Variants in IFI6 observed in about 807,000 individuals in gnomAD.
IFI6 encodes the protein interferon alpha-inducible protein 6.
In IFI6, 10 loss-of-function variants were observed where a neutral mutation model predicts 12.7. The ratio of observed to expected loss-of-function variants is 0.79; its 90% CI spans 0.49 to 1.33. The LOEUF (loss-of-function observed/expected upper bound fraction) is 1.33. Among genes scored for constraint, IFI6 ranks in the 40% most tolerant of loss-of-function variants. IFI6 has a pLI of 0.00. For synonymous variants in IFI6, 89 were observed against 86.2 expected, an observed-to-expected ratio of 1.03 and a Z score of -0.18; for missense variants, 154 against 180.4, an observed-to-expected ratio of 0.85 and a Z score of 0.84.
In IFI6 at chr1:27,668,986, T is replaced by C. The variant is rs568720343; in HGVS notation, c.70+259A>G. 9.4e-4 allele frequency among the ~76,000 whole-genome samples: 93 copies of C among 98,502 alleles called. 1 individual carries two copies. In the South Asian group the frequency reaches 0.031, roughly 33 times the overall value. The allele number at this position is 98,502 out of a possible 152,430, so 64.6% of individuals were successfully genotyped here. A position where few individuals can be genotyped will look rare whatever the true frequency, so the allele number is the denominator to read the frequency against. ...ACCCTTACCTGCATCCTTACCCACA[T>C]CCTTACCTGCATCCTTACCCGCATC... On this transcript the variant is annotated intron_variant, in intron 2 of 4. Transcript: ENST00000361157.
At position 27,671,549 on chromosome 1, in the gene IFI6, TA is replaced by T. The variant is rs2090404650; in HGVS notation, c.-33+573del. On this transcript the variant is annotated intron_variant, in intron 1 of 4. Coordinates refer to ENST00000361157, the MANE Select transcript of IFI6 (RefSeq NM_002038.4). ...ACAGGCGCCCACCACCAAGCCCGGC[TA>T]ATTTTTTTTGTATTTTTAGTAGAGA... 2.0e-5 allele frequency among the ~76,000 whole-genome samples: 3 copies of T among 151,832 alleles called. No homozygotes were observed. In the South Asian group the frequency reaches 6.2e-4, roughly 32 times the overall value.
rs1369508285 is a variant in IFI6, at chr1:27,666,354, G to GGAA, written c.*24_*26dup. The GGAA allele has an allele frequency of 7.5e-7, 1 of 1,326,396 alleles. No homozygotes were observed. Among genetic ancestry groups the GGAA allele is most frequent in the Admixed American group, 1.8e-5 (1 of 54,844 alleles). The allele number at this position is 1,326,396 out of a possible 1,614,324, so 82.2% of individuals were successfully genotyped here. On this transcript the variant is annotated 3_prime_UTR_variant, in exon 5 of 5. Transcript: ENST00000361157. ...CTAACTGGAAGAGTTAGGCCAAGAA[G>GGAA]GAAGAAGAGGTTCTGGGAGCTGCTG...
At position 27,669,243 on chromosome 1, in the gene IFI6, A is replaced by C. The variant is rs1571433889; in HGVS notation, c.70+2T>G. ...TACCTGCATCCTTACCCGCATTCTCACCTGCCTCCACCCCACTGCAAGTGA... is the reference window on the plus strand; with the variant it reads ...TACCTGCATCCTTACCCGCATTCTCCCCTGCCTCCACCCCACTGCAAGTGA... On this transcript the variant is annotated splice_donor_variant, in intron 2 of 4. Transcript: ENST00000361157. LOFTEE classifies it high-confidence loss of function. The C allele has an allele frequency of 6.4e-7, 1 of 1,551,704 alleles. No individual in the cohort carries two copies. Among genetic ancestry groups the C allele is most frequent in the Non-Finnish European group, 8.7e-7 (1 of 1,147,010 alleles).
rs558649729 is a variant in IFI6 at position 27,669,507 on chromosome 1, C to T, written c.-32-161G>A. The T allele has an allele frequency of 6.1e-4, 352 of 575,758 alleles. 1 individual carries two copies. The highest frequency in any genetic ancestry group is 8.5e-4 in the South Asian group (44 of 51,816). 35.7% of individuals were successfully genotyped at this position (575,758 alleles called of 1,614,324 possible). ...GAGCCTCGGGAATCCGTTTCCTCTC[C>T]GCATCAGTGGCAGAGATGTCCCTGC... On this transcript the variant is annotated intron_variant, in intron 1 of 4. Transcript: ENST00000361157.
At chr1:27,669,367 G>T (rs1249200952) in intron 1 of IFI6, 21 bp from the exon 2 acceptor site, 2 of 1,390,646 alleles carry the variant, frequency 1.4e-6, no homozygotes, top group Admixed American at 4.1e-5. Flanking sequence ...GCGAGAGGGA[G>T]ATGGTCCCCG....
In IFI6 at chr1:27,666,315, C is replaced by CA; in HGVS notation, c.*65dup. 2.5e-5 allele frequency: 11 copies of CA among 432,170 alleles called. No individual in the cohort carries two copies. Among genetic ancestry groups the CA allele is most frequent in the South Asian group, 7.0e-5 (2 of 28,632 alleles). The allele number at this position is 432,170 out of a possible 1,614,324, so 26.8% of individuals were successfully genotyped here. A position where few individuals can be genotyped will look rare whatever the true frequency, so the allele number is the denominator to read the frequency against. On this transcript the variant is annotated 3_prime_UTR_variant, in exon 5 of 5. Coordinates refer to ENST00000361157, the MANE Select transcript of IFI6 (RefSeq NM_002038.4). ...AAAAAAAAAAAAAAAAAAAAAAAGG[C>CA]AAAGTTCTAGATCCTAACTGGAAGA...
intron 2 of IFI6, 95 bp from the exon 3 acceptor site, chr1:27,668,630 G>A (rs2090374230): frequency 3.2e-6 from 3 of 948,366 alleles, no homozygotes; most frequent in African/African-American, 3.3e-5. Flanking sequence ...TCCTGGAGGC[G>A]GGGGCCACCA....
chr1:27,668,420 C>CGCCCCGCCT, intron 3 of IFI6, 38 bp downstream of exon 3: 3 of 1,591,120 alleles, frequency 1.9e-6, no homozygotes, highest in Non-Finnish European at 2.6e-6. Context: ...GGCAGAGGCC[C>CGCCCCGCCT]GCCCCGCCTG....
chr1:27,668,596 T>C, intron 2 of IFI6, 61 bp from the exon 3 acceptor site: 4 of 1,353,572 alleles, frequency 3.0e-6, no homozygotes, highest in East Asian at 2.5e-5. Context: ...GGTCCCCTAC[T>C]CTGTGTCTGA....
rs2090369853 is a variant in IFI6 at position 27,668,384 on chromosome 1, A to C, written c.149-9T>G. ...CCCGGCGACTGCGAGTCCTGGAGGA[A>C]CAGGAGCAGGTGAGGGAGCGTCCGC... On this transcript the variant is annotated splice_polypyrimidine_tract_variant and intron_variant, in intron 3 of 4. Coordinates refer to ENST00000361157, the MANE Select transcript of IFI6 (RefSeq NM_002038.4). 6.4e-7 allele frequency: 1 copy of C among 1,572,002 alleles called. No individual in the cohort carries two copies. Among genetic ancestry groups the C allele is most frequent in the African/African-American group, 1.4e-5 (1 of 73,402 alleles).
At chr1:27,671,354 ACAATTGG>A (rs2090402509) in intron 1 of IFI6, among the ~76,000 whole-genome samples, 2 of 151,634 alleles carry the variant, frequency 1.3e-5, no homozygotes, top group African/African-American at 4.9e-5. Flanking sequence ...GTTTAAACCC[ACAATTGG>A]CTAATACCCA....
chr1:27,666,180 G>T lies in IFI6; in HGVS notation c.*201C>A. 2.3e-6 allele frequency: 1 copy of T among 440,012 alleles called. No homozygotes were observed. 27.3% of individuals were successfully genotyped at this position (440,012 alleles called of 1,614,324 possible). ...TGCTTGTAATCCTACTTGGGAGGTT[G>T]AGACAGGAGGATCACTTGAGGCTAG... On this transcript the variant is annotated 3_prime_UTR_variant, in exon 5 of 5. Coordinates refer to ENST00000361157, the MANE Select transcript of IFI6 (RefSeq NM_002038.4).
chr1:27,667,233 G>A (rs973514955), intron 4 of IFI6, among the ~76,000 whole-genome samples: 17 of 98,306 alleles, frequency 1.7e-4, no homozygotes, highest in Non-Finnish European at 2.5e-4. Context: ...ATGAGACCCC[G>A]TCTCTACAAA....
In IFI6 at chr1:27,668,331, C is replaced by T. The variant is rs980721712; in HGVS notation, c.193G>A (p.Gly65Ser). Reference protein sequence around the residue: ...GLPALGFTGAGIAANSVAASL... With the variant: ...GLPALGFTGASIAANSVAASL... Reference sequence around the variant, plus strand: ...GCAGCCACCGAGTTGGCCGCGATGCCGGCGCCGGTGAAGCCCAGCGCGGGC... The same window carrying T: ...GCAGCCACCGAGTTGGCCGCGATGCTGGCGCCGGTGAAGCCCAGCGCGGGC... Residue 65 changes from glycine to serine, a missense_variant, in exon 4 of 5, where the codon GGC becomes AGC. By Grantham distance (56) the Gly-to-Ser change is moderately conservative (BLOSUM62 0). Coordinates refer to ENST00000361157, the MANE Select transcript of IFI6 (RefSeq NM_002038.4). 3.2e-6 allele frequency: 5 copies of T among 1,570,456 alleles called. No homozygotes were observed. Among genetic ancestry groups the T allele is most frequent in the Admixed American group, 1.8e-5 (1 of 55,264 alleles).
intron 2 of IFI6, among the ~76,000 whole-genome samples, 154 bp from the exon 3 acceptor site, chr1:27,668,689 C>A (rs1316822643): frequency 6.6e-6 from 1 of 152,072 alleles, no homozygotes; most frequent in Non-Finnish European, 1.5e-5. Context: ...TTCCCCTAGG[C>A]GCCGAGCCTG....
intron 4 of IFI6, 33 bp from the exon 5 acceptor site, chr1:27,666,508 C>G: frequency 6.7e-7 from 1 of 1,503,436 alleles, no homozygotes; most frequent in East Asian, 2.3e-5. Flanking sequence ...TCACTGGGGC[C>G]CAAGTGCCAG....
In IFI6 at chr1:27,669,482, G is replaced by A. The variant is rs1571434237; in HGVS notation, c.-32-136C>T. The A allele has an allele frequency of 2.6e-5, 16 of 604,210 alleles. No homozygotes were observed. In the East Asian group the frequency reaches 4.6e-4, roughly 17 times the overall value. 37.4% of individuals were successfully genotyped at this position (604,210 alleles called of 1,614,324 possible). A position where few individuals can be genotyped will look rare whatever the true frequency, so the allele number is the denominator to read the frequency against. On this transcript the variant is annotated intron_variant, in intron 1 of 4. Transcript: ENST00000361157. ...GAATGGAACCCAGGATCCCTCTCAG[G>A]AGCCTCGGGAATCCGTTTCCTCTCC...
chr1:27,666,572 T>A, intron 4 of IFI6, 97 bp from the exon 5 acceptor site: 1 of 789,928 alleles, frequency 1.3e-6, no homozygotes, highest in Non-Finnish European at 2.1e-6. Context: ...CCCTTATGTC[T>A]AGATGGAGAA....
At position 27,669,344 on chromosome 1, in the gene IFI6, G is replaced by T; in HGVS notation, c.-30C>A. ...GCGCCGCGCGCGGGCTCCGTCACTA[G>T]ACCTGCGAACGGGCGAGAGGGAGAT... On this transcript the variant is annotated splice_region_variant and 5_prime_UTR_variant, in exon 2 of 5. Coordinates refer to ENST00000361157, the MANE Select transcript of IFI6 (RefSeq NM_002038.4). 1 of 1,546,116 alleles carries T rather than the reference G, an allele frequency of 6.5e-7. No homozygotes were observed. Among genetic ancestry groups the T allele is most frequent in the South Asian group, 1.2e-5 (1 of 83,928 alleles).
Sources: gnomAD v4.1 joint callset for allele counts (sites outside exome capture counted in the v4.1 genomes callset) on GRCh38, gnomAD v4.1.1 for gene constraint, MANE v1.5 for transcripts, NCBI Gene and HGNC (gene_info 2026-07-23, HGNC 2026-07-21) for gene names.